SCHIP1: variants seen among roughly 807,000 people sequenced by gnomAD.
SCHIP1 encodes schwannomin-interacting protein 1.
In SCHIP1, 8 loss-of-function variants were observed where a neutral mutation model predicts 29.7. The observed-to-expected ratio is 0.27, with a 90% CI of 0.16 to 0.49. SCHIP1 has a LOEUF of 0.49. Ranked by LOEUF, SCHIP1 falls within the 20% of genes least tolerant of loss-of-function variation. SCHIP1 has a pLI of 0.99. For synonymous variants in SCHIP1, 76 were observed against 94.9 expected, an observed-to-expected ratio of 0.80 and a Z score of 1.16; for missense variants, 193 against 294.6, an observed-to-expected ratio of 0.66 and a Z score of 2.52.
At chr3:159,424,408 G>C in the SCHIP1 span, among the ~76,000 whole-genome samples, 3 of 152,198 alleles carry the variant, frequency 2.0e-5, no homozygotes, top group African/African-American at 7.2e-5. Context: ...AGCCTCAGGA[G>C]CTGATGTGAT....
At chr3:159,347,123 C>CACAT in the SCHIP1 span, among the ~76,000 whole-genome samples, 6 of 152,264 alleles carry the variant, frequency 3.9e-5, no homozygotes, top group East Asian at 1.2e-3. Flanking sequence ...TGTTCCACAT[C>CACAT]TATAGACGAT....
At chr3:159,665,546 T>TTGTATGTGTGTGTGTGTGTGTG in the SCHIP1 span, among the ~76,000 whole-genome samples, 202 of 147,560 alleles carry the variant, frequency 1.4e-3, 2 homozygotes, top group African/African-American at 4.7e-3. Context: ...GTTTTTGGGG[T>TTGTATGTGTGTGTGTGTGTGTG]TGTGTGTGTG....
intron 2 of SCHIP1, among the ~76,000 whole-genome samples, chr3:159,866,553 A>G (rs891625045): frequency 2.0e-5 from 3 of 151,946 alleles, no homozygotes; most frequent in African/African-American, 7.3e-5. Context: ...GATTCTGTAC[A>G]CTGATAGAGG....
the SCHIP1 span, among the ~76,000 whole-genome samples, chr3:159,462,402 C>T: frequency 6.6e-6 from 1 of 152,068 alleles, no homozygotes; most frequent in South Asian, 2.1e-4. Flanking sequence ...TGACCCTTAG[C>T]AAGTTGCAAA....
chr3:159,688,357 A>T, the SCHIP1 span, among the ~76,000 whole-genome samples: 5 of 152,182 alleles, frequency 3.3e-5, no homozygotes, highest in African/African-American at 1.2e-4. Context: ...ACCAGTGATG[A>T]TGAGCTTTTT....
chr3:159,572,051 ATTTTGTTGATCTTT>A, the SCHIP1 span, among the ~76,000 whole-genome samples: 1 of 151,706 alleles, frequency 6.6e-6, no homozygotes, highest in Non-Finnish European at 1.5e-5. Flanking sequence ...CAGTCTGTCA[ATTTTGTTGATCTTT>A]TCAAAAAACC....
the SCHIP1 span, among the ~76,000 whole-genome samples, chr3:159,760,527 C>T: frequency 5.9e-5 from 9 of 152,330 alleles, no homozygotes; most frequent in African/African-American, 2.2e-4. Context: ...TCTTCAGCCT[C>T]CTCATCTGTA....
chr3:159,397,699 C>G, the SCHIP1 span, among the ~76,000 whole-genome samples: 1 of 152,314 alleles, frequency 6.6e-6, no homozygotes, highest in African/African-American at 2.4e-5. Flanking sequence ...CAGCTGCATG[C>G]TGGGAGAACC....
chr3:159,772,562 A>G, the SCHIP1 span, among the ~76,000 whole-genome samples: 8 of 152,332 alleles, frequency 5.3e-5, no homozygotes, highest in African/African-American at 1.9e-4. Flanking sequence ...TGAAGTGTAG[A>G]CATTTTATAT....
At chr3:159,332,259 T>G in the SCHIP1 span, among the ~76,000 whole-genome samples, 84 of 152,324 alleles carry the variant, frequency 5.5e-4, no homozygotes, top group African/African-American at 1.9e-3. Context: ...TTTGCCTATA[T>G]AAGCCTCTGT....
chr3:159,732,186 A>C, the SCHIP1 span, among the ~76,000 whole-genome samples: 1 of 152,186 alleles, frequency 6.6e-6, no homozygotes, highest in Non-Finnish European at 1.5e-5. Flanking sequence ...ATGTGCAGAA[A>C]CTTGTGAATT....
At chr3:159,513,286 A>T in the SCHIP1 span, among the ~76,000 whole-genome samples, 2 of 152,184 alleles carry the variant, frequency 1.3e-5, no homozygotes, top group Non-Finnish European at 2.9e-5. Context: ...TTTGTTGTCA[A>T]GCTGTGGTAC....
chr3:159,715,095 G>A, the SCHIP1 span, among the ~76,000 whole-genome samples: 1 of 152,182 alleles, frequency 6.6e-6, no homozygotes, highest in South Asian at 2.1e-4. Context: ...CAATAGTTGT[G>A]GCTCTGCAGC....
At chr3:159,391,237 G>A in the SCHIP1 span, among the ~76,000 whole-genome samples, 1 of 152,064 alleles carries the variant, frequency 6.6e-6, no homozygotes, top group Non-Finnish European at 1.5e-5. Flanking sequence ...TTTTTTTACT[G>A]CTTTCAATCA....
the SCHIP1 span, among the ~76,000 whole-genome samples, chr3:159,561,864 G>C: frequency 2.6e-4 from 40 of 152,062 alleles, no homozygotes; most frequent in Non-Finnish European, 5.3e-4. Flanking sequence ...TTAATGAGTT[G>C]ATATGAGAAT....
At chr3:159,517,311 G>T in the SCHIP1 span, among the ~76,000 whole-genome samples, 14 of 152,138 alleles carry the variant, frequency 9.2e-5, no homozygotes, top group Non-Finnish European at 1.9e-4. Flanking sequence ...TGAGTTGGCA[G>T]TTTTTTCTTT....
the SCHIP1 span, among the ~76,000 whole-genome samples, chr3:159,832,641 G>T: frequency 6.6e-6 from 1 of 152,150 alleles, no homozygotes; most frequent in African/African-American, 2.4e-5. Flanking sequence ...GCTTCTGGTT[G>T]TTTTTCTCCT....
the SCHIP1 span, among the ~76,000 whole-genome samples, chr3:159,608,640 A>C: frequency 6.6e-6 from 1 of 152,304 alleles, no homozygotes; most frequent in East Asian, 1.9e-4. Context: ...TTTTTAGAGC[A>C]CTGGGATATA....
the SCHIP1 span, among the ~76,000 whole-genome samples, chr3:159,395,806 G>A: frequency 0.026 from 3,988 of 151,696 alleles, 174 homozygotes; most frequent in African/African-American, 0.091. Context: ...GTTGATTTGA[G>A]GTGGAGAGTT....
Sources: allele counts gnomAD v4.1 joint callset (sites outside exome capture counted in the v4.1 genomes callset), GRCh38; gene constraint gnomAD v4.1.1; transcripts MANE v1.5; gene names NCBI Gene and HGNC (gene_info 2026-07-23, HGNC 2026-07-21).